The following ITGA9 variants were observed in gnomAD, a reference collection of about 807,000 sequenced individuals.
The protein encoded by ITGA9 is integrin alpha-9.
ITGA9 carries 56 observed loss-of-function variants against 127.8 expected under a neutral mutation model. The observed-to-expected ratio is 0.44, with a 90% CI of 0.35 to 0.55. ITGA9 has a LOEUF of 0.55. Among genes scored for constraint, ITGA9 ranks in the 20% least tolerant of loss-of-function variants. The probability of loss-of-function intolerance (pLI) is 0.00; values close to 1 mark genes in which losing one functional copy is unlikely to be tolerated. For missense variants in ITGA9, 1,196 were observed against 1,347.1 expected (o/e 0.89, Z 1.76); for synonymous variants, 508 against 514.5 (o/e 0.99, Z 0.17).
intron 4 of ITGA9, among the ~76,000 whole-genome samples, chr3:37,481,889 T>C (rs1422526617): frequency 6.6e-6 from 1 of 152,176 alleles, no homozygotes; most frequent in African/African-American, 2.4e-5. Flanking sequence ...GGGACCGAAA[T>C]TCACCAAGCC....
intron 17 of ITGA9, among the ~76,000 whole-genome samples, chr3:37,664,755 T>C (rs1235846349): frequency 1.3e-5 from 2 of 152,040 alleles, no homozygotes; most frequent in African/African-American, 4.8e-5. Flanking sequence ...TTGGAGAGCC[T>C]CAGATTCAAT....
At chr3:37,569,000 C>G (rs1257022087) in intron 15 of ITGA9, among the ~76,000 whole-genome samples, 1 of 152,160 alleles carries the variant, frequency 6.6e-6, no homozygotes, top group East Asian at 1.9e-4. Flanking sequence ...TCCGTTTTCA[C>G]ACTGCTGATA....
chr3:37,817,694 C>T (rs750728106), intron 27 of ITGA9, among the ~76,000 whole-genome samples: 8 of 152,080 alleles, frequency 5.3e-5, no homozygotes, highest in Admixed American at 2.6e-4. Flanking sequence ...CGAGAGATGC[C>T]GAGTCTCTCA....
chr3:37,778,663 A>G (rs1442937098), intron 24 of ITGA9, among the ~76,000 whole-genome samples: 1 of 151,796 alleles, frequency 6.6e-6, no homozygotes, highest in African/African-American at 2.4e-5. Context: ...GATTTGTTCT[A>G]TTTACTATAT....
intron 18 of ITGA9, among the ~76,000 whole-genome samples, chr3:37,705,063 C>G (rs1032895704): frequency 6.6e-6 from 1 of 152,172 alleles, no homozygotes; most frequent in African/African-American, 2.4e-5. Context: ...ACCAAACTTA[C>G]AAATGGGAAA....
At chr3:37,782,400 T>G (rs1296823421) in intron 25 of ITGA9, among the ~76,000 whole-genome samples, 3 of 152,212 alleles carry the variant, frequency 2.0e-5, no homozygotes, top group African/African-American at 4.8e-5. Flanking sequence ...GGTGACCCTT[T>G]GCCAAGGAAC....
intron 17 of ITGA9, among the ~76,000 whole-genome samples, chr3:37,654,490 T>TTGAAACAGTTCCTTC (rs1193430127): frequency 1.3e-5 from 2 of 152,210 alleles, no homozygotes; most frequent in African/African-American, 4.8e-5. Flanking sequence ...TGGCTTCCTT[T>TTGAAACAGTTCCTTC]TGAAACAGTT....
At chr3:37,800,035 G>A (rs1332340638) in intron 26 of ITGA9, among the ~76,000 whole-genome samples, 2 of 152,180 alleles carry the variant, frequency 1.3e-5, no homozygotes, top group Non-Finnish European at 2.9e-5. Flanking sequence ...GCCAAAGCAT[G>A]GAGCACGCAT....
At position 37,743,941 on chromosome 3, in the gene ITGA9, C is replaced by A. The variant is rs1359543244; in HGVS notation, c.2340C>A (p.Thr780=). ...DTSITGIMSP[T]SFVYGESVDA... is the part of the protein sequence containing the mutation. Reference sequence around the variant, plus strand: ...CCTCTTTCAGAATCATGTCTCCAACCTCCTTTGTATATGGCGAGTCCGTGG... The same window carrying A: ...CCTCTTTCAGAATCATGTCTCCAACATCCTTTGTATATGGCGAGTCCGTGG... The change falls in exon 22 of 28, where the codon ACC becomes ACA. Residue 780 remains threonine (T), a synonymous_variant. Coordinates refer to ENST00000264741, the MANE Select transcript of ITGA9 (RefSeq NM_002207.3). The A allele has an allele frequency of 8.7e-6, 14 of 1,613,090 alleles. No homozygotes were observed. The African/African-American group carries it at 1.3e-4, about 15-fold the overall frequency.
At chr3:37,465,964 C>T (rs1053103689) in intron 1 of ITGA9, among the ~76,000 whole-genome samples, 2 of 152,116 alleles carry the variant, frequency 1.3e-5, no homozygotes, top group African/African-American at 2.4e-5. Flanking sequence ...GTGCGTGCTA[C>T]AGCTTGGCAT....
rs368763839 is a variant in ITGA9 at position 37,780,038 on chromosome 3, C to T, written c.2787+17C>T. On this transcript the variant is annotated intron_variant, in intron 25 of 27. Coordinates refer to ENST00000264741, the MANE Select transcript of ITGA9 (RefSeq NM_002207.3). ...CTGAAAAAGGTAAGCCCTAATGAACCGCACTTGTGGATGCATTTAGAAGCA... is the reference window on the plus strand; with the variant it reads ...CTGAAAAAGGTAAGCCCTAATGAACTGCACTTGTGGATGCATTTAGAAGCA... 3.0e-5 allele frequency: 48 copies of T among 1,613,306 alleles called. 1 individual carries two copies. The highest frequency in any genetic ancestry group is 1.4e-4 in the South Asian group (13 of 90,992).
intron 15 of ITGA9, among the ~76,000 whole-genome samples, chr3:37,588,357 C>T (rs938136749): frequency 6.7e-6 from 1 of 149,530 alleles, no homozygotes; most frequent in Non-Finnish European, 1.5e-5. Flanking sequence ...CTCCATCCCG[C>T]ATGGCAATGG....
intron 8 of ITGA9, among the ~76,000 whole-genome samples, chr3:37,512,533 A>G (rs1698943735): frequency 6.6e-6 from 1 of 151,880 alleles, no homozygotes; most frequent in African/African-American, 2.4e-5. Context: ...TTTTTTTTTA[A>G]AGTAGAGGTT....
At chr3:37,690,098 G>A (rs1395532436) in intron 18 of ITGA9, among the ~76,000 whole-genome samples, 7 of 152,244 alleles carry the variant, frequency 4.6e-5, no homozygotes, top group Admixed American at 3.3e-4. Context: ...TTGGATAAGT[G>A]CTTAAGGTAC....
At chr3:37,524,985 A>C (rs17036569) in intron 12 of ITGA9, among the ~76,000 whole-genome samples, 1 of 152,242 alleles carries the variant, frequency 6.6e-6, no homozygotes, top group African/African-American at 2.4e-5. Context: ...TAGGAACACT[A>C]TAATTCATGG....
chr3:37,701,438 A>G (rs1314454769), intron 18 of ITGA9, among the ~76,000 whole-genome samples: 1 of 152,210 alleles, frequency 6.6e-6, no homozygotes, highest in East Asian at 1.9e-4. Context: ...CAAGCCAGCC[A>G]CAACTATGGG....
rs544608070 is a variant in ITGA9, at chr3:37,647,558, A to G, written c.1840-6156A>G. On this transcript the variant is annotated intron_variant, in intron 16 of 27. Coordinates refer to ENST00000264741, the MANE Select transcript of ITGA9 (RefSeq NM_002207.3). The stretch of plus-strand genomic sequence containing the variant: ...ACATAGTCATCACGCTATACATTCA[A>G]TCTCTAAATTTTTTCATGCTACCTA... Among the ~76,000 whole-genome samples, 243 of 151,780 alleles carry G rather than the reference A, an allele frequency of 1.6e-3. 1 individual carries two copies. Among genetic ancestry groups the G allele is most frequent in the African/African-American group, 5.6e-3 (233 of 41,350 alleles).
At chr3:37,723,988 G>C (rs1290935279) in intron 18 of ITGA9, among the ~76,000 whole-genome samples, 2 of 152,186 alleles carry the variant, frequency 1.3e-5, no homozygotes, top group African/African-American at 4.8e-5. Flanking sequence ...AAATTAACAT[G>C]TCTGCCCTCT....
At chr3:37,552,062 G>T (rs1334437375) in intron 15 of ITGA9, among the ~76,000 whole-genome samples, 1 of 152,216 alleles carries the variant, frequency 6.6e-6, no homozygotes, top group Admixed American at 6.5e-5. Context: ...GGGGAAGTGG[G>T]GGAGCCAGCT....
Sources: gnomAD v4.1 joint callset for allele counts (sites outside exome capture counted in the v4.1 genomes callset) on GRCh38, gnomAD v4.1.1 for gene constraint, MANE v1.5 for transcripts, NCBI Gene and HGNC (gene_info 2026-07-23, HGNC 2026-07-21) for gene names.